The following SLC35F2 variants were observed in gnomAD, a reference collection of about 807,000 sequenced individuals.
The protein encoded by SLC35F2 is queuine/queuosine transporter SLC35F2.
SLC35F2 carries 25 observed loss-of-function variants against 38.1 expected under a neutral mutation model. The ratio of observed to expected loss-of-function variants is 0.66; its 90% CI spans 0.48 to 0.92. SLC35F2 has a LOEUF of 0.92. Ranked by LOEUF, SLC35F2 falls within the 40% of genes least tolerant of loss-of-function variation. SLC35F2 has a pLI of 0.00. For missense variants in SLC35F2, 409 were observed against 452.9 expected (o/e 0.90, Z 0.88); for synonymous variants, 173 against 181.7 (o/e 0.95, Z 0.38).
At chr11:107,799,683 C>T (rs1250690121) in intron 7 of SLC35F2, among the ~76,000 whole-genome samples, 3 of 152,096 alleles carry the variant, frequency 2.0e-5, no homozygotes, top group Admixed American at 2.0e-4. Context: ...CTCCACCTCC[C>T]GGGTTCAAGT....
Position 107,828,302 on chromosome 11 carries a change from C to T in SLC35F2, c.111-12337G>A, listed in dbSNP as rs941256285. On this transcript the variant is annotated intron_variant, in intron 1 of 7. Transcript: ENST00000525815. ...ATACAAAAATTAGCTGTGCCAGTGGCGGGAGCCTGTAATCCCAGCTACTCA... is the reference window on the plus strand; with the variant it reads ...ATACAAAAATTAGCTGTGCCAGTGGTGGGAGCCTGTAATCCCAGCTACTCA... Among the ~76,000 whole-genome samples, 6 of 151,932 alleles carry T rather than the reference C, an allele frequency of 3.9e-5. No individual in the cohort carries two copies. In the South Asian group the frequency reaches 6.3e-4, roughly 16 times the overall value.
chr11:107,814,728 C>G (rs372826507), intron 2 of SLC35F2, among the ~76,000 whole-genome samples: 3 of 152,174 alleles, frequency 2.0e-5, no homozygotes, highest in Admixed American at 6.5e-5. Flanking sequence ...TTTGGGAAGC[C>G]AAGGTGGGAG....
At chr11:107,798,824 C>T (rs34524653) in intron 7 of SLC35F2, among the ~76,000 whole-genome samples, 8,680 of 152,220 alleles carry the variant, frequency 0.057, 300 homozygotes, top group East Asian at 0.15. Context: ...CCCTGTGGTC[C>T]CAGCACTTTG....
At chr11:107,813,674 T>G (rs1859519063) in intron 2 of SLC35F2, among the ~76,000 whole-genome samples, 1 of 152,066 alleles carries the variant, frequency 6.6e-6, no homozygotes, top group Non-Finnish European at 1.5e-5. Context: ...CTCTTCTTTT[T>G]TTTCCTTTGG....
intron 1 of SLC35F2, among the ~76,000 whole-genome samples, chr11:107,843,872 T>A (rs1425802416): frequency 0.022 from 519 of 23,708 alleles, 73 homozygotes; most frequent in African/African-American, 0.043. Flanking sequence ...AAAAAAAATA[T>A]ATATATATAT....
At chr11:107,816,094 CTTCAT>C in intron 1 of SLC35F2, 129 bp from the exon 2 acceptor site, 3 of 1,300,590 alleles carry the variant, frequency 2.3e-6, no homozygotes, top group Non-Finnish European at 2.9e-6. Flanking sequence ...CCAGGTGGTT[CTTCAT>C]TTCATGAAAT....
At chr11:107,850,853 G>A (rs1228223367) in intron 1 of SLC35F2, among the ~76,000 whole-genome samples, 2 of 151,676 alleles carry the variant, frequency 1.3e-5, no homozygotes, top group African/African-American at 4.8e-5. Context: ...AAAATGTCAA[G>A]AAGGCTGAGG....
chr11:107,800,439 A>C (rs1412250966), intron 7 of SLC35F2, among the ~76,000 whole-genome samples: 1 of 152,182 alleles, frequency 6.6e-6, no homozygotes, highest in East Asian at 1.9e-4. Flanking sequence ...TTGTCTGGAT[A>C]CAAAATTCTA....
chr11:107,818,131 AG>A (rs1859614283), intron 1 of SLC35F2, among the ~76,000 whole-genome samples: 1 of 150,678 alleles, frequency 6.6e-6, no homozygotes, highest in Non-Finnish European at 1.5e-5. Context: ...AAAGAAAGAA[AG>A]AAAAAGAAAC....
rs557800212 is a variant in SLC35F2, at chr11:107,817,649, T to C, written c.111-1684A>G. On this transcript the variant is annotated intron_variant, in intron 1 of 7. Coordinates refer to ENST00000525815, the MANE Select transcript of SLC35F2 (RefSeq NM_017515.5). The stretch of plus-strand genomic sequence containing the variant: ...CACCCTCTGAATCTCCAGCCTCACC[T>C]TGAACTACTCTCACAGCTTATTTCA... Among the ~76,000 whole-genome samples the C allele has an allele frequency of 6.6e-4, 101 of 152,308 alleles. 1 individual carries two copies. The highest frequency in any genetic ancestry group is 1.3e-3 in the Non-Finnish European group (87 of 68,024).
chr11:107,827,234 C>A (rs933732037), intron 1 of SLC35F2, among the ~76,000 whole-genome samples: 11 of 152,124 alleles, frequency 7.2e-5, no homozygotes, highest in African/African-American at 2.7e-4. Flanking sequence ...TCTCTTTCCC[C>A]TAAAAAGCTC....
chr11:107,856,910 AG>A (rs1860296436), intron 1 of SLC35F2, among the ~76,000 whole-genome samples: 1 of 24,570 alleles, frequency 4.1e-5, no homozygotes, highest in African/African-American at 1.6e-4. Context: ...GAAGGAAGGG[AG>A]GGAGGGAGGG....
intron 4 of SLC35F2, chr11:107,805,817 C>T (rs542160): frequency 0.5 from 128,956 of 255,548 alleles, 33,425 homozygotes; most frequent in Non-Finnish European, 0.55. Context: ...GCTGGGATTA[C>T]AGGCACCCTC....
At chr11:107,816,587 C>T (rs73001540) in intron 1 of SLC35F2, among the ~76,000 whole-genome samples, 6,451 of 151,722 alleles carry the variant, frequency 0.043, 224 homozygotes, top group African/African-American at 0.096. Context: ...GTGACTGGCC[C>T]TTACCCTGCA....
chr11:107,809,011 C>A (rs1461452784), intron 3 of SLC35F2, among the ~76,000 whole-genome samples: 1 of 152,312 alleles, frequency 6.6e-6, no homozygotes, highest in African/African-American at 2.4e-5. Flanking sequence ...CCAGAAACCT[C>A]AGGCCCCGGC....
At chr11:107,852,290 G>A (rs1186920424) in intron 1 of SLC35F2, among the ~76,000 whole-genome samples, 5 of 152,150 alleles carry the variant, frequency 3.3e-5, no homozygotes, top group South Asian at 2.1e-4. Context: ...AGTGGCTCAC[G>A]CCTGTAATCC....
intron 1 of SLC35F2, among the ~76,000 whole-genome samples, chr11:107,831,841 G>A (rs1378316431): frequency 1.3e-5 from 2 of 152,106 alleles, no homozygotes; most frequent in East Asian, 1.9e-4. Context: ...GGAAAATTCT[G>A]GCAAAGAACA....
rs573496640 is a variant in SLC35F2, at chr11:107,849,902, A to T, written c.110+8756T>A. 2.0e-5 allele frequency among the ~76,000 whole-genome samples: 3 copies of T among 152,140 alleles called. No individual in the cohort carries two copies. In the South Asian group the frequency reaches 6.2e-4, roughly 32 times the overall value. Reference sequence around the variant, plus strand: ...AGAAAAGCTTTTCAATTCCAGTCTTACCTCTCCCTACAGTACATGTCTGCC... The same window carrying T: ...AGAAAAGCTTTTCAATTCCAGTCTTTCCTCTCCCTACAGTACATGTCTGCC... On this transcript the variant is annotated intron_variant, in intron 1 of 7. Transcript: ENST00000525815.
chr11:107,851,206 T>G (rs1186736543), intron 1 of SLC35F2, among the ~76,000 whole-genome samples: 1 of 150,436 alleles, frequency 6.6e-6, no homozygotes, highest in Admixed American at 6.7e-5. Flanking sequence ...GAGGTTGCAG[T>G]GAGCTGAGAT....
Sources: allele counts gnomAD v4.1 joint callset (sites outside exome capture counted in the v4.1 genomes callset), GRCh38; gene constraint gnomAD v4.1.1; transcripts MANE v1.5; gene names NCBI Gene and HGNC (gene_info 2026-07-23, HGNC 2026-07-21).